The following FOXK2 variants were observed in gnomAD, a reference collection of about 807,000 sequenced individuals.
FOXK2 encodes the protein forkhead box K2, also known as forkhead box protein K2.
In FOXK2, 24 loss-of-function variants were observed where a neutral mutation model predicts 53.3. The observed-to-expected ratio is 0.45, with a 90% CI of 0.33 to 0.63. FOXK2 has a LOEUF of 0.63. Among genes scored for constraint, FOXK2 ranks in the 30% least tolerant of loss-of-function variants. The pLI, the probability that FOXK2 is intolerant of heterozygous loss-of-function variation, is 0.03. For missense variants in FOXK2, 952 were observed against 910.5 expected (o/e 1.05, Z -0.59); for synonymous variants, 505 against 407.1 (o/e 1.24, Z -2.89).
At chr17:82,525,926 C>G (rs576767804) in intron 1 of FOXK2, among the ~76,000 whole-genome samples, 2 of 151,000 alleles carry the variant, frequency 1.3e-5, no homozygotes, top group African/African-American at 4.9e-5. Context: ...CCCACACTTT[C>G]TTTCTTACGT....
At chr17:82,587,850 G>T (rs1348895428) in intron 8 of FOXK2, among the ~76,000 whole-genome samples, 1 of 152,222 alleles carries the variant, frequency 6.6e-6, no homozygotes, top group Non-Finnish European at 1.5e-5. Flanking sequence ...TGGCATTGGG[G>T]CCTGGCTCAG....
At chr17:82,556,688 C>CT (rs951544456) in intron 1 of FOXK2, among the ~76,000 whole-genome samples, 22 of 151,482 alleles carry the variant, frequency 1.5e-4, no homozygotes, top group Non-Finnish European at 2.5e-4. Flanking sequence ...CTTCCTGCCT[C>CT]TTTTTTTTAT....
intron 4 of FOXK2, among the ~76,000 whole-genome samples, chr17:82,573,562 TCACACA>T (rs1019671658): frequency 2.3e-3 from 191 of 83,350 alleles, no homozygotes; most frequent in African/African-American, 5.6e-3. Context: ...TCTCTCTCTC[TCACACA>T]CACACACACA....
chr17:82,567,079 A>G (rs537994066), intron 2 of FOXK2, among the ~76,000 whole-genome samples: 12 of 152,236 alleles, frequency 7.9e-5, no homozygotes, highest in African/African-American at 2.9e-4. Flanking sequence ...AGAGGGTACA[A>G]GGCCACTCGT....
At chr17:82,526,441 A>G (rs576581866) in intron 1 of FOXK2, among the ~76,000 whole-genome samples, 3 of 152,230 alleles carry the variant, frequency 2.0e-5, no homozygotes, top group South Asian at 4.1e-4. Context: ...AGTGCATGTA[A>G]AGTGGGGACC....
Position 82,519,814 on chromosome 17 carries a change from G to C in FOXK2, c.-75G>C. 1.9e-6 allele frequency: 1 copy of C among 521,456 alleles called. No individual in the cohort carries two copies. The highest frequency in any genetic ancestry group is 2.4e-6 in the Non-Finnish European group (1 of 410,090). 32.3% of individuals were successfully genotyped at this position (521,456 alleles called of 1,614,324 possible). On this transcript the variant is annotated 5_prime_UTR_variant, in exon 1 of 9. Coordinates refer to ENST00000335255, the MANE Select transcript of FOXK2 (RefSeq NM_004514.4). Reference sequence around the variant, plus strand: ...TCAGCTCCGGTGCGCGGCGGCCGACGACCCGCGCGGCCTGGGCCTCGGCCC... The same window carrying C: ...TCAGCTCCGGTGCGCGGCGGCCGACCACCCGCGCGGCCTGGGCCTCGGCCC...
At position 82,586,992 on chromosome 17, in the gene FOXK2, T is replaced by C. The variant is rs930065637; in HGVS notation, c.1577-71T>C. The C allele has an allele frequency of 8.5e-6, 12 of 1,416,294 alleles. No homozygotes were observed. The African/African-American group carries it at 1.3e-4, about 15-fold the overall frequency. The allele number at this position is 1,416,294 out of a possible 1,614,324, so 87.7% of individuals were successfully genotyped here. ...AGGTGTGATAGCTATCTGGTTATTA[T>C]GTTTTAAACTGGCAAGATTTTTATT... On this transcript the variant is annotated intron_variant, in intron 7 of 8. Coordinates refer to ENST00000335255, the MANE Select transcript of FOXK2 (RefSeq NM_004514.4).
chr17:82,601,183 C>CGAGA (rs1196328961), intron 8 of FOXK2, 120 bp from the exon 9 acceptor site: 2 of 1,094,216 alleles, frequency 1.8e-6, no homozygotes, highest in Admixed American at 4.8e-5. Flanking sequence ...CCTTAGAGGG[C>CGAGA]GAGAGTTCAC....
chr17:82,584,053 G>C lies in FOXK2; in HGVS notation c.1144G>C (p.Ala382Pro). The C allele has an allele frequency of 6.2e-7, 1 of 1,610,958 alleles. No individual in the cohort carries two copies. Among genetic ancestry groups the C allele is most frequent in the Non-Finnish European group, 8.5e-7 (1 of 1,179,264 alleles). The change falls in exon 6 of 9, where the codon GCT becomes CCT. Residue 382 changes from alanine to proline, a missense_variant. Coordinates refer to ENST00000335255, the MANE Select transcript of FOXK2 (RefSeq NM_004514.4). ...ASPNHAGVLS[A>P]HSSGAQTPES... ...TCCCAATCACGCGGGAGTGCTGTCTGCTCACTCTAGTGGCGCCCAGACCCC... is the reference window on the plus strand; with the variant it reads ...TCCCAATCACGCGGGAGTGCTGTCTCCTCACTCTAGTGGCGCCCAGACCCC...
chr17:82,577,872 G>C (rs150803144), intron 4 of FOXK2, among the ~76,000 whole-genome samples: 1,910 of 152,216 alleles, frequency 0.013, 31 homozygotes, highest in African/African-American at 0.043. Context: ...TGAGGAGCTG[G>C]GACTACAGGT....
At chr17:82,575,582 T>C (rs980432274) in intron 4 of FOXK2, among the ~76,000 whole-genome samples, 24 of 152,182 alleles carry the variant, frequency 1.6e-4, no homozygotes, top group Non-Finnish European at 1.0e-4. Context: ...AAGAGACTTC[T>C]AGAAACAGTG....
rs141040063 is a variant in FOXK2, at chr17:82,521,813, G to A, written c.419+1506G>A. Among the ~76,000 whole-genome samples the A allele has an allele frequency of 9.6e-3, 1,451 of 150,930 alleles. 23 individuals carry two copies. The highest frequency in any genetic ancestry group is 0.033 in the African/African-American group (1,350 of 41,188). The stretch of plus-strand genomic sequence containing the variant: ...AAATTAGCCGGGCGCGGTGGCGGGC[G>A]CCTGTAGTCCCAGCTACTCAGGAGG... On this transcript the variant is annotated intron_variant, in intron 1 of 8. Coordinates refer to ENST00000335255, the MANE Select transcript of FOXK2 (RefSeq NM_004514.4).
rs558289504 is a variant in FOXK2, at chr17:82,601,081, A to C, written c.1787-222A>C. ...ACTTGCTGCAGTTTTTTGGGGTCCC[A>C]AGGGCCCAGCCCAGGCTCCTGTGCC... On this transcript the variant is annotated intron_variant, in intron 8 of 8. Coordinates refer to ENST00000335255, the MANE Select transcript of FOXK2 (RefSeq NM_004514.4). 6.8e-5 allele frequency: 34 copies of C among 496,536 alleles called. No homozygotes were observed. The East Asian group carries it at 1.0e-3, about 15-fold the overall frequency. 30.8% of individuals were successfully genotyped at this position (496,536 alleles called of 1,614,324 possible).
chr17:82,527,409 A>G (rs549988066), intron 1 of FOXK2, among the ~76,000 whole-genome samples: 179 of 152,302 alleles, frequency 1.2e-3, no homozygotes, highest in African/African-American at 4.1e-3. Context: ...CAGGTGGATC[A>G]TCTGAGGTCA....
At chr17:82,551,637 C>T (rs1048071468) in intron 1 of FOXK2, among the ~76,000 whole-genome samples, 4 of 152,058 alleles carry the variant, frequency 2.6e-5, no homozygotes, top group African/African-American at 4.8e-5. Context: ...GCTGAGATCA[C>T]GCCACTGCAT....
At chr17:82,588,095 A>C (rs2045212165) in intron 8 of FOXK2, among the ~76,000 whole-genome samples, 1 of 152,028 alleles carries the variant, frequency 6.6e-6, no homozygotes, top group Non-Finnish European at 1.5e-5. Flanking sequence ...GGTACCTCCT[A>C]CTCTGACTCA....
chr17:82,523,514 C>T (rs1006780788), intron 1 of FOXK2, among the ~76,000 whole-genome samples: 2 of 150,040 alleles, frequency 1.3e-5, no homozygotes, highest in Admixed American at 6.7e-5. Context: ...CTCTTGTTGC[C>T]TAGGCTGGAG....
At chr17:82,555,701 G>A (rs922962180) in intron 1 of FOXK2, among the ~76,000 whole-genome samples, 7 of 149,214 alleles carry the variant, frequency 4.7e-5, no homozygotes, top group African/African-American at 1.7e-4. Context: ...TGGCTAACAT[G>A]GTGAAACCCC....
chr17:82,522,881 G>A (rs2044378586), intron 1 of FOXK2, among the ~76,000 whole-genome samples: 1 of 152,004 alleles, frequency 6.6e-6, no homozygotes, highest in South Asian at 2.1e-4. Context: ...TGCAACCTCC[G>A]CCTCCCTGGT....
Sources: allele counts gnomAD v4.1 joint callset (sites outside exome capture counted in the v4.1 genomes callset), GRCh38; gene constraint gnomAD v4.1.1; transcripts MANE v1.5; gene names NCBI Gene and HGNC (gene_info 2026-07-23, HGNC 2026-07-21).